KCNMA1: variants seen among roughly 807,000 people sequenced by gnomAD.
KCNMA1 encodes Calcium-activated potassium channel subunit alpha-1.
A neutral mutation model predicts 140.0 loss-of-function variants in KCNMA1; 29 were observed. The ratio of observed to expected loss-of-function variants is 0.21; its 90% CI spans 0.15 to 0.28. The LOEUF is 0.28. KCNMA1 is among the 10% of genes least tolerant of loss of function. The pLI is 1.00. For missense variants in KCNMA1, 880 were observed against 1,602.2 expected (o/e 0.55, Z 7.70); for synonymous variants, 612 against 611.9 (o/e 1.00, Z 0.00).
intron 2 of KCNMA1, among the ~76,000 whole-genome samples, chr10:77,352,742 CT>C (rs2093046886): frequency 6.6e-6 from 1 of 152,122 alleles, no homozygotes; most frequent in Non-Finnish European, 1.5e-5. Flanking sequence ...AAGAAAGTGA[CT>C]GGAAGTTTTA....
chr10:77,286,261 T>G (rs920568511), intron 2 of KCNMA1, among the ~76,000 whole-genome samples: 1 of 152,174 alleles, frequency 6.6e-6, no homozygotes, highest in African/African-American at 2.4e-5. Flanking sequence ...CCAGATCATT[T>G]AAACGCCACC....
At chr10:77,207,591 C>T (rs577496210) in intron 3 of KCNMA1, among the ~76,000 whole-genome samples, 152 of 152,268 alleles carry the variant, frequency 1.0e-3, no homozygotes, top group African/African-American at 3.5e-3. Context: ...CTAATGATAG[C>T]CAGGCAAGCC....
chr10:77,475,792 C>A (rs950235684), intron 1 of KCNMA1, among the ~76,000 whole-genome samples: 2 of 152,076 alleles, frequency 1.3e-5, no homozygotes, highest in Non-Finnish European at 2.9e-5. Flanking sequence ...AATCTCAGAA[C>A]TGGAAGGGCC....
chr10:77,301,985 A>C (rs1477108386), intron 2 of KCNMA1, among the ~76,000 whole-genome samples: 2 of 151,882 alleles, frequency 1.3e-5, no homozygotes, highest in African/African-American at 4.8e-5. Context: ...TGGGAGTAGG[A>C]ATGGGCAAAG....
intron 1 of KCNMA1, among the ~76,000 whole-genome samples, chr10:77,543,766 A>G (rs1428383303): frequency 6.6e-6 from 1 of 152,204 alleles, no homozygotes; most frequent in African/African-American, 2.4e-5. Context: ...GGGACTTGTT[A>G]GATATTATCA....
intron 2 of KCNMA1, among the ~76,000 whole-genome samples, chr10:77,284,905 G>C (rs1386678819): frequency 1.3e-5 from 2 of 151,922 alleles, no homozygotes; most frequent in African/African-American, 4.8e-5. Flanking sequence ...CTCAAATTAA[G>C]GTTATAACAG....
At chr10:77,327,674 T>C (rs2084720967) in intron 2 of KCNMA1, among the ~76,000 whole-genome samples, 1 of 152,044 alleles carries the variant, frequency 6.6e-6, no homozygotes, top group Non-Finnish European at 1.5e-5. Context: ...TCTTATCAAG[T>C]ATCAACCACA....
intron 2 of KCNMA1, among the ~76,000 whole-genome samples, chr10:77,257,250 C>T (rs970430657): frequency 1.3e-5 from 2 of 152,140 alleles, no homozygotes; most frequent in Non-Finnish European, 2.9e-5. Flanking sequence ...AATAACAATG[C>T]CAACAAACAT....
intron 1 of KCNMA1, among the ~76,000 whole-genome samples, chr10:77,562,621 C>A (rs1259812470): frequency 6.6e-6 from 1 of 152,040 alleles, no homozygotes; most frequent in Admixed American, 6.6e-5. Context: ...CAATGCAATT[C>A]CCTAGGCCCA....
In KCNMA1 at chr10:77,025,998, A is replaced by AT. The variant is rs1555139543; in HGVS notation, c.1928+1824_1928+1825insA. Among the ~76,000 whole-genome samples, 411 of 139,928 alleles carry AT rather than the reference A, an allele frequency of 2.9e-3. 4 individuals carry two copies. The highest frequency in any genetic ancestry group is 0.015 in the East Asian group (74 of 4,880). 91.8% of individuals were successfully genotyped at this position (139,928 alleles called of 152,430 possible). ...TTTGCCCTTTTCTGAAGAAAAAAAA[A>AT]ATATATATATATATATATATACTAA... On this transcript the variant is annotated intron_variant, in intron 16 of 27. Transcript: ENST00000286628.
chr10:77,636,375 C>T lies in KCNMA1; in HGVS notation c.378+890G>A, dbSNP rs770443921. On this transcript the variant is annotated intron_variant, in intron 1 of 27. Transcript: ENST00000286628. Reference sequence around the variant, plus strand: ...CAGCCTCAGTGCCGGTGGGCGTCTGCACCAGGAATAGCTAAAGCCGACGAC... The same window carrying T: ...CAGCCTCAGTGCCGGTGGGCGTCTGTACCAGGAATAGCTAAAGCCGACGAC... The T allele has an allele frequency of 7.2e-6, 11 of 1,534,672 alleles. No homozygotes were observed. The South Asian group carries it at 1.3e-4, about 18-fold the overall frequency.
chr10:77,066,987 T>A (rs565923726), intron 14 of KCNMA1, among the ~76,000 whole-genome samples: 1 of 152,288 alleles, frequency 6.6e-6, no homozygotes, highest in East Asian at 1.9e-4. Flanking sequence ...TCCTTCAACC[T>A]GGTTAGCAGA....
At chr10:77,207,751 G>A (rs1409918221) in intron 3 of KCNMA1, among the ~76,000 whole-genome samples, 1 of 152,162 alleles carries the variant, frequency 6.6e-6, no homozygotes, top group Non-Finnish European at 1.5e-5. Context: ...GTATTTTGTA[G>A]AATCCCTCTC....
rs773599545 is a variant in KCNMA1, at chr10:76,887,438, T to A, written c.3539A>T (p.His1180Leu). ...GCTGGCCCGGGACTGGCCGGCATTG[T>A]GGTCAAACTGCATTAAGCAGAAGAT... Reference protein sequence around the residue: ...DLIFCLMQFDHNAGQSRASLS... With the variant: ...DLIFCLMQFDLNAGQSRASLS... The change falls in exon 28 of 28, where the codon CAC becomes CTC. Residue 1180 changes from histidine to leucine, a missense_variant. Physicochemically the swap from His to Leu is moderately conservative, Grantham distance 99. This residue lies in a region of KCNMA1 where 115 missense variants were observed against 139.9 expected (regional missense o/e 0.82). Transcript: ENST00000286628. The A allele has an allele frequency of 6.2e-7, 1 of 1,614,082 alleles. No homozygotes were observed. Among genetic ancestry groups the A allele is most frequent in the Non-Finnish European group, 8.5e-7 (1 of 1,180,012 alleles).
chr10:77,136,114 C>G (rs1176604803), intron 5 of KCNMA1, among the ~76,000 whole-genome samples: 1 of 152,092 alleles, frequency 6.6e-6, no homozygotes, highest in Non-Finnish European at 1.5e-5. Context: ...GAAAGTAATT[C>G]AGCATTATTA....
chr10:76,874,936 G>A, downstream of KCNMA1: 1 of 152,202 alleles, frequency 6.6e-6, no homozygotes, highest in East Asian at 1.9e-4. Context: ...TGGGAGAATG[G>A]CTTTTCTGGA....
intron 1 of KCNMA1, among the ~76,000 whole-genome samples, chr10:77,440,824 TG>T (rs912508103): frequency 6.6e-6 from 1 of 152,130 alleles, no homozygotes; most frequent in African/African-American, 2.4e-5. Flanking sequence ...TTTTTGTTTT[TG>T]TTTTTGTTTT....
At chr10:77,347,256 A>G (rs1053770761) in intron 2 of KCNMA1, among the ~76,000 whole-genome samples, 1 of 152,184 alleles carries the variant, frequency 6.6e-6, no homozygotes, top group Non-Finnish European at 1.5e-5. Context: ...CCCCACCTAC[A>G]TTATGTCATT....
At chr10:77,145,925 G>C (rs1000459016) in intron 5 of KCNMA1, among the ~76,000 whole-genome samples, 3 of 152,208 alleles carry the variant, frequency 2.0e-5, no homozygotes, top group Non-Finnish European at 2.9e-5. Context: ...AATGGGAACA[G>C]TAATAGTAAC....
Sources: allele counts gnomAD v4.1 joint callset (sites outside exome capture counted in the v4.1 genomes callset), GRCh38; gene constraint gnomAD v4.1.1; regional missense constraint gnomAD v4.1.1; transcripts MANE v1.5; gene names NCBI Gene and HGNC (gene_info 2026-07-23, HGNC 2026-07-21).